PHACTR2: variants seen among roughly 807,000 people sequenced by gnomAD.
PHACTR2 encodes the protein chromosome 6 open reading frame 56.
In PHACTR2, 30 loss-of-function variants were observed where a neutral mutation model predicts 76.0. That is an observed-to-expected ratio of 0.39 (90% CI 0.30 to 0.54). The LOEUF (loss-of-function observed/expected upper bound fraction) is 0.54. PHACTR2 is among the 20% of genes least tolerant of loss of function. The pLI is 0.61. For synonymous variants in PHACTR2, 292 were observed against 292.5 expected (o/e 1.00, Z 0.02); for missense variants, 696 against 781.1 (o/e 0.89, Z 1.30).
chr6:143,673,153 A>T (rs541520501), upstream of PHACTR2, among the ~76,000 whole-genome samples: 1 of 152,288 alleles, frequency 6.6e-6, no homozygotes, highest in African/African-American at 2.4e-5. Context: ...CCTTATGCCC[A>T]TGTGCTAGAG....
At chr6:143,778,330 G>A (rs1343658615) in intron 9 of PHACTR2, among the ~76,000 whole-genome samples, 1 of 152,048 alleles carries the variant, frequency 6.6e-6, no homozygotes, top group Non-Finnish European at 1.5e-5. Flanking sequence ...CTTTCCTTTA[G>A]GGAAGAAAGA....
At chr6:143,634,009 T>C (rs1776408657) in intron 1 of PHACTR2, among the ~76,000 whole-genome samples, 1 of 152,224 alleles carries the variant, frequency 6.6e-6, no homozygotes, top group Non-Finnish European at 1.5e-5. Context: ...TACAAAATAC[T>C]AGTCAGTGCA....
chr6:143,728,177 G>A (rs376846661), intron 2 of PHACTR2, among the ~76,000 whole-genome samples: 38 of 130,316 alleles, frequency 2.9e-4, no homozygotes, highest in East Asian at 9.1e-4. Context: ...TCGTTCATTC[G>A]TTCTTTTGTT....
chr6:143,809,363 TTTTG>T lies in PHACTR2; in HGVS notation c.1922+2250_1922+2253del, dbSNP rs771207690. ...GTTTTTGTGGGGGTATTTTTTGTTT[TTTTG>T]TTTGTTTGTTTGTTTGTTTTTTTAG... is the stretch of plus-strand genomic sequence containing the variant. On this transcript the variant is annotated intron_variant, in intron 12 of 12. Coordinates refer to ENST00000440869, the MANE Select transcript of PHACTR2 (RefSeq NM_001100164.2). The surrounding 1 kb of genome is among the most constrained non-coding windows in gnomAD (Gnocchi z 4.2). 4.0e-4 allele frequency among the ~76,000 whole-genome samples: 61 copies of T among 152,126 alleles called. 1 individual carries two copies. In the East Asian group the frequency reaches 9.1e-3, roughly 23 times the overall value.
At chr6:143,713,286 A>G (rs1778223454) in intron 2 of PHACTR2, among the ~76,000 whole-genome samples, 1 of 152,234 alleles carries the variant, frequency 6.6e-6, no homozygotes. Context: ...ACAAGAAATA[A>G]TGATAGGCTA....
chr6:143,550,501 G>A lies in PHACTR2; in HGVS notation c.217+13294G>A, dbSNP rs541784841. On this transcript the variant is annotated intron_variant, in intron 1 of 11. Transcript: ENST00000367584. The surrounding 1 kb of genome is among the most constrained non-coding windows in gnomAD (Gnocchi z 4.8). ...TCTATATAGTAAATAATGGGCGGAG[G>A]GTGTCATGCTTTTTCATGAAGTTTT... 2.0e-5 allele frequency among the ~76,000 whole-genome samples: 3 copies of A among 151,938 alleles called. No individual in the cohort carries two copies. Among genetic ancestry groups the A allele is most frequent in the East Asian group, 3.9e-4 (2 of 5,188 alleles).
rs775947619 is a variant in PHACTR2, at chr6:143,742,552, C to T, written c.215-6433C>T. Among the ~76,000 whole-genome samples the T allele has an allele frequency of 5.3e-5, 8 of 152,208 alleles. No homozygotes were observed. The highest frequency in any genetic ancestry group is 1.0e-4 in the Non-Finnish European group (7 of 68,038). Reference sequence around the variant, plus strand: ...ACCAGTCACCAGTGCCAGGGAGAAACTGGGCTCTGATTGGATAAGCCCAGG... The same window carrying T: ...ACCAGTCACCAGTGCCAGGGAGAAATTGGGCTCTGATTGGATAAGCCCAGG... On this transcript the variant is annotated intron_variant, in intron 2 of 12. Coordinates refer to ENST00000440869, the MANE Select transcript of PHACTR2 (RefSeq NM_001100164.2). This position sits in a 1 kb window ranked among gnomAD's most constrained non-coding sequence, Gnocchi z 4.5.
chr6:143,732,359 C>T (rs9386046), intron 2 of PHACTR2, among the ~76,000 whole-genome samples: 68,988 of 152,064 alleles, frequency 0.45, 16,942 homozygotes, highest in African/African-American at 0.65. Context: ...ATATCTCATA[C>T]AGATGGAATC....
At position 143,596,279 on chromosome 6, in the gene PHACTR2, G is replaced by A. The variant is rs143622641; in HGVS notation, c.217+59072G>A. Among the ~76,000 whole-genome samples the A allele has an allele frequency of 6.6e-5, 10 of 151,990 alleles. No homozygotes were observed. Among genetic ancestry groups the A allele is most frequent in the South Asian group, 4.2e-4 (2 of 4,794 alleles). On this transcript the variant is annotated intron_variant, in intron 1 of 11. Coordinates refer to the PHACTR2 transcript ENST00000367584. The surrounding 1 kb of genome is among the most constrained non-coding windows in gnomAD (Gnocchi z 4.6). ...GGTCTTCATTTGGTGTCTTTTTAGCGTATGTTCTGTTTTCCAAGTTGGGAG... is the reference window on the plus strand; with the variant it reads ...GGTCTTCATTTGGTGTCTTTTTAGCATATGTTCTGTTTTCCAAGTTGGGAG...
chr6:143,658,215 T>C lies in PHACTR2; in HGVS notation c.13+49893T>C, dbSNP rs1009591808. ...TTTAACATTACAGAAACTGCCAGAC[T>C]AACCTGAGCTTCAACAACAAATGTG... On this transcript the variant is annotated intron_variant, in intron 1 of 11. Transcript: ENST00000305766. The surrounding 1 kb of genome is among the most constrained non-coding windows in gnomAD (Gnocchi z 4.1). Among the ~76,000 whole-genome samples, 5 of 152,230 alleles carry C rather than the reference T, an allele frequency of 3.3e-5. No homozygotes were observed. The highest frequency in any genetic ancestry group is 4.8e-5 in the African/African-American group (2 of 41,466).
intron 1 of PHACTR2, among the ~76,000 whole-genome samples, chr6:143,636,844 A>T (rs560068504): frequency 2.0e-5 from 3 of 152,386 alleles, no homozygotes; most frequent in South Asian, 2.1e-4. Flanking sequence ...GTCATTCATT[A>T]AAGCATAAAT....
chr6:143,626,477 CAGTG>C (rs894946385), intron 1 of PHACTR2, among the ~76,000 whole-genome samples: 1 of 147,942 alleles, frequency 6.8e-6, no homozygotes, highest in Non-Finnish European at 1.5e-5. Context: ...GCGGAGCTTG[CAGTG>C]AGCCGAGATT....
upstream of PHACTR2, among the ~76,000 whole-genome samples, chr6:143,677,171 T>A (rs533278456): frequency 4.6e-5 from 7 of 152,248 alleles, no homozygotes; most frequent in South Asian, 1.5e-3. Context: ...CACCATCCAA[T>A]CTAATGCACC....
rs977737295 is a variant in PHACTR2, at chr6:143,658,310, C to T, written c.13+49988C>T. On this transcript the variant is annotated intron_variant, in intron 1 of 11. Coordinates refer to the PHACTR2 transcript ENST00000305766. The surrounding 1 kb of genome is among the most constrained non-coding windows in gnomAD (Gnocchi z 4.1). ...ATTAACAAGGGAAATTCAGGTGAAA[C>T]TTAAATATGAACTTAAAACTTAACC... is the stretch of plus-strand genomic sequence containing the variant. Among the ~76,000 whole-genome samples, 1 of 152,150 alleles carries T rather than the reference C, an allele frequency of 6.6e-6. No individual in the cohort carries two copies. The highest frequency in any genetic ancestry group is 1.5e-5 in the Non-Finnish European group (1 of 68,034).
rs187448369 is a variant in PHACTR2, at chr6:143,819,979, C to T, written c.1923-3695C>T. Among the ~76,000 whole-genome samples, 11 of 152,240 alleles carry T rather than the reference C, an allele frequency of 7.2e-5. No homozygotes were observed. The highest frequency in any genetic ancestry group is 3.4e-3 in the Middle Eastern group (1 of 294). ...GGAGGCCTCAGAAAGCCTCCAATCA[C>T]GGCAGAAAGCGAAGGGGGAGCAGGC... On this transcript the variant is annotated intron_variant, in intron 12 of 12. Coordinates refer to ENST00000440869, the MANE Select transcript of PHACTR2 (RefSeq NM_001100164.2). The surrounding 1 kb of genome is among the most constrained non-coding windows in gnomAD (Gnocchi z 5.0).
At position 143,559,145 on chromosome 6, in the gene PHACTR2, T is replaced by C. The variant is rs77259269; in HGVS notation, c.217+21938T>C. 4.0e-3 allele frequency among the ~76,000 whole-genome samples: 609 copies of C among 152,308 alleles called. 5 individuals are homozygous for C. Among genetic ancestry groups the C allele is most frequent in the African/African-American group, 0.013 (557 of 41,570 alleles). ...ATGAGATCAAGGCTTTCCCCTGCTA[T>C]AATATATAGATGACTCTTCCAATAG... On this transcript the variant is annotated intron_variant, in intron 1 of 11. Coordinates refer to the PHACTR2 transcript ENST00000367584.
At chr6:143,781,009 T>G (rs897772153) in intron 9 of PHACTR2, among the ~76,000 whole-genome samples, 9 of 152,228 alleles carry the variant, frequency 5.9e-5, no homozygotes, top group African/African-American at 2.2e-4. Flanking sequence ...GCTGTCATGG[T>G]AGCTCATGCT....
rs926049490 is a variant in PHACTR2 at position 143,742,606 on chromosome 6, G to A, written c.215-6379G>A. 3.3e-5 allele frequency among the ~76,000 whole-genome samples: 5 copies of A among 152,170 alleles called. No homozygotes were observed. In the East Asian group the frequency reaches 9.6e-4, roughly 29 times the overall value. On this transcript the variant is annotated intron_variant, in intron 2 of 12. Coordinates refer to ENST00000440869, the MANE Select transcript of PHACTR2 (RefSeq NM_001100164.2). This position sits in a 1 kb window ranked among gnomAD's most constrained non-coding sequence, Gnocchi z 4.5. ...CCAAGAGCCTTGTGCCCAGGGATGA[G>A]GTTAGCCTTCTACAAATAACATGGA...
intron 1 of PHACTR2, among the ~76,000 whole-genome samples, chr6:143,579,545 C>A (rs749151394): frequency 6.6e-6 from 1 of 151,764 alleles, no homozygotes; most frequent in South Asian, 2.1e-4. Flanking sequence ...AAGAGGCGAG[C>A]GGACAGCTGT....
Sources: gnomAD v4.1 joint callset for allele counts (sites outside exome capture counted in the v4.1 genomes callset) on GRCh38, gnomAD v4.1.1 for gene constraint, Gnocchi (gnomAD v3.1) non-coding constraint, MANE v1.5 for transcripts, NCBI Gene and HGNC (gene_info 2026-07-23, HGNC 2026-07-21) for gene names.